The following TENM3 variants were observed in gnomAD, a reference collection of about 807,000 sequenced individuals.
TENM3 encodes the protein teneurin transmembrane protein 3.
TENM3 carries 63 observed loss-of-function variants against 255.1 expected under a neutral mutation model. The ratio of observed to expected loss-of-function variants is 0.25; its 90% CI spans 0.20 to 0.30. TENM3 has a LOEUF of 0.30. Ranked by LOEUF, TENM3 falls within the 10% of genes least tolerant of loss-of-function variation. TENM3 has a pLI of 1.00. For synonymous variants in TENM3, 1,306 were observed against 1,322.3 expected, an observed-to-expected ratio of 0.99 and a Z score of 0.27; for missense variants, 2,929 against 3,461.1, an observed-to-expected ratio of 0.85 and a Z score of 3.86.
At chr4:181,700,044 A>G in the TENM3 span, among the ~76,000 whole-genome samples, 1 of 152,188 alleles carries the variant, frequency 6.6e-6, no homozygotes, top group Admixed American at 6.5e-5. Context: ...GTGACCCTCC[A>G]GTGTGGCTGT....
chr4:182,710,868 G>A (rs1758697818), intron 12 of TENM3, among the ~76,000 whole-genome samples: 1 of 152,168 alleles, frequency 6.6e-6, no homozygotes, highest in African/African-American at 2.4e-5. Context: ...CCTAATTGTA[G>A]CCTCATGAAA....
intron 3 of TENM3, among the ~76,000 whole-genome samples, chr4:182,553,223 T>C (rs1487209236): frequency 1.3e-5 from 2 of 151,922 alleles, no homozygotes; most frequent in South Asian, 4.2e-4. Flanking sequence ...GCCTGCAGAG[T>C]AGCTGGGACT....
chr4:182,321,629 AT>A (rs1464898761), intron 1 of TENM3, among the ~76,000 whole-genome samples: 3 of 146,126 alleles, frequency 2.1e-5, no homozygotes, highest in East Asian at 2.0e-4. Context: ...CTGTCTCAAA[AT>A]AATAATAATA....
the TENM3 span, among the ~76,000 whole-genome samples, chr4:181,940,030 T>C: frequency 6.6e-6 from 1 of 152,220 alleles, no homozygotes; most frequent in African/African-American, 2.4e-5. Context: ...TTTATGCACA[T>C]GTTCTTTATG....
chr4:182,466,564 T>C (rs1405208241), intron 3 of TENM3, among the ~76,000 whole-genome samples: 4 of 152,020 alleles, frequency 2.6e-5, no homozygotes, highest in Non-Finnish European at 4.4e-5. Flanking sequence ...ACTCCTGGGC[T>C]CAAGCGATCC....
chr4:182,718,787 G>A (rs1352459176), intron 13 of TENM3, among the ~76,000 whole-genome samples: 10 of 152,090 alleles, frequency 6.6e-5, no homozygotes, highest in Admixed American at 2.0e-4. Flanking sequence ...ACTTTTAAAA[G>A]CATCATTGCT....
chr4:182,434,607 G>A (rs1317754981), intron 3 of TENM3, among the ~76,000 whole-genome samples: 1 of 150,790 alleles, frequency 6.6e-6, no homozygotes, highest in African/African-American at 2.4e-5. Context: ...AAGTTGCAGT[G>A]AGCCAAGATC....
intron 1 of TENM3, among the ~76,000 whole-genome samples, chr4:182,180,032 T>C (rs1752747426): frequency 6.6e-6 from 1 of 152,260 alleles, no homozygotes; most frequent in South Asian, 2.1e-4. Flanking sequence ...ATGTACTTAC[T>C]TAAGTATTTG....
At chr4:181,514,612 T>A in the TENM3 span, among the ~76,000 whole-genome samples, 1 of 151,926 alleles carries the variant, frequency 6.6e-6, no homozygotes, top group African/African-American at 2.4e-5. Context: ...GTTGAGGCAG[T>A]GTGCGAAGGT....
the TENM3 span, among the ~76,000 whole-genome samples, chr4:181,852,712 G>A: frequency 4.6e-5 from 7 of 152,220 alleles, no homozygotes; most frequent in South Asian, 2.1e-4. Context: ...ATATTTCAGC[G>A]CTTCGTATAC....
chr4:181,655,617 C>G, the TENM3 span, among the ~76,000 whole-genome samples: 4 of 152,126 alleles, frequency 2.6e-5, no homozygotes, highest in Non-Finnish European at 4.4e-5. Context: ...ATGGCAGAGG[C>G]CCCTTTCATA....
chr4:182,321,971 T>A (rs28622127), intron 1 of TENM3, among the ~76,000 whole-genome samples: 20,685 of 151,948 alleles, frequency 0.14, 1,804 homozygotes, highest in African/African-American at 0.25. Context: ...AATAAATAAA[T>A]AATACTTCTC....
At chr4:182,582,611 C>CAA (rs61085703) in intron 3 of TENM3, among the ~76,000 whole-genome samples, 12 of 149,152 alleles carry the variant, frequency 8.0e-5, no homozygotes, top group Admixed American at 2.0e-4. Context: ...ACCAACAAAA[C>CAA]AAAAAAAAAC....
chr4:181,499,094 C>A, the TENM3 span, among the ~76,000 whole-genome samples: 1 of 152,094 alleles, frequency 6.6e-6, no homozygotes, highest in Non-Finnish European at 1.5e-5. Flanking sequence ...GATTTCAGTT[C>A]CCAATAATAG....
chr4:182,292,948 TC>T (rs2150332577), intron 1 of TENM3, among the ~76,000 whole-genome samples: 1 of 152,252 alleles, frequency 6.6e-6, no homozygotes, highest in South Asian at 2.1e-4. Flanking sequence ...TACAACATGC[TC>T]AGAGACCCAG....
the TENM3 span, among the ~76,000 whole-genome samples, chr4:181,730,265 G>T: frequency 6.6e-6 from 1 of 152,182 alleles, no homozygotes; most frequent in Non-Finnish European, 1.5e-5. Context: ...ACAAAAGGTG[G>T]ACTGTAAGCC....
At chr4:182,174,809 A>T (rs1752348748) in intron 1 of TENM3, among the ~76,000 whole-genome samples, 2 of 152,208 alleles carry the variant, frequency 1.3e-5, no homozygotes, top group South Asian at 2.1e-4. Flanking sequence ...GCTATAATTT[A>T]AGTTTGGTCT....
In TENM3 at chr4:182,176,037, T is replaced by C. The variant is rs74937582; in HGVS notation, c.-76+31283T>C. ...ACAATATTTTCGTTAGTAATGTTTT[T>C]AGTTATCGTTTATAGTTTAGTTAAT... On this transcript the variant is annotated intron_variant, in intron 1 of 2. Coordinates refer to the TENM3 transcript ENST00000512480. Among the ~76,000 whole-genome samples the C allele has an allele frequency of 7.2e-3, 1,098 of 152,310 alleles. 15 individuals are homozygous for C. The highest frequency in any genetic ancestry group is 0.025 in the African/African-American group (1,037 of 41,574).
chr4:181,859,206 G>GCGC, the TENM3 span, among the ~76,000 whole-genome samples: 1 of 136,078 alleles, frequency 7.3e-6, no homozygotes, highest in Non-Finnish European at 1.5e-5. Flanking sequence ...TCGTGCCACT[G>GCGC]CGCTCCACCC....
Sources: gnomAD v4.1 joint callset for allele counts (sites outside exome capture counted in the v4.1 genomes callset) on GRCh38, gnomAD v4.1.1 for gene constraint, MANE v1.5 for transcripts, NCBI Gene and HGNC (gene_info 2026-07-23, HGNC 2026-07-21) for gene names.